The following STK25 variants were observed in gnomAD, a reference collection of about 807,000 sequenced individuals.
The protein encoded by STK25 is serine/threonine-protein kinase 25.
In STK25, 29 loss-of-function variants were observed where a neutral mutation model predicts 53.8. The ratio of observed to expected loss-of-function variants is 0.54; its 90% CI spans 0.40 to 0.74. The LOEUF is 0.74. STK25 is among the 30% of genes least tolerant of loss of function. STK25 has a pLI of 0.00. For missense variants in STK25, 420 were observed against 568.0 expected (o/e 0.74, Z 2.65); for synonymous variants, 247 against 238.3 (o/e 1.04, Z -0.33).
rs35393467 is a variant in STK25 at position 241,495,627 on chromosome 2, C to G, written c.*35G>C. 1 of 1,612,866 alleles carries G rather than the reference C, an allele frequency of 6.2e-7. No individual in the cohort carries two copies. The highest frequency in any genetic ancestry group is 1.3e-5 in the African/African-American group (1 of 74,936). The stretch of plus-strand genomic sequence containing the variant: ...TTATGGAGCTCAGAACAAAAACAAA[C>G]GACCTTCCGTCCCCTATCTGAACAG... On this transcript the variant is annotated 3_prime_UTR_variant, in exon 12 of 12. Coordinates refer to ENST00000316586, the MANE Select transcript of STK25 (RefSeq NM_001271977.2).
At chr2:241,506,639 T>C (rs1046594847) in intron 2 of STK25, among the ~76,000 whole-genome samples, 2 of 152,166 alleles carry the variant, frequency 1.3e-5, no homozygotes, top group Non-Finnish European at 2.9e-5. Flanking sequence ...TGGTGGCGCA[T>C]GCCTGTAATC....
intron 2 of STK25, among the ~76,000 whole-genome samples, chr2:241,502,333 C>T (rs887833851): frequency 2.6e-5 from 4 of 152,150 alleles, no homozygotes; most frequent in Admixed American, 1.3e-4. Flanking sequence ...TCATCTAACC[C>T]GAACAACATG....
intron 2 of STK25, chr2:241,504,146 C>T: frequency 2.1e-6 from 1 of 470,610 alleles, no homozygotes; most frequent in Non-Finnish European, 4.4e-6. Context: ...CCTAACCTTT[C>T]CCTGCAAGGC....
rs1460265006 is a variant in STK25 at position 241,493,593 on chromosome 2, CTTTG to C, written c.*2065_*2068del. 3 of 629,798 alleles carry C rather than the reference CTTTG, an allele frequency of 4.8e-6. No homozygotes were observed. Among genetic ancestry groups the C allele is most frequent in the Non-Finnish European group, 7.9e-6 (3 of 378,098 alleles). 39.0% of individuals were successfully genotyped at this position (629,798 alleles called of 1,614,324 possible). ...CCAGCATTTCCAAAAAACAGCAATG[CTTTG>C]TTTTTTTTTTTTTTGGAGATGGCGT... On this transcript the variant is annotated 3_prime_UTR_variant, in exon 12 of 12. Transcript: ENST00000316586.
In STK25 at chr2:241,496,934, C is replaced by T. The variant is rs1014953017; in HGVS notation, c.1105-400G>A. On this transcript the variant is annotated intron_variant, in intron 10 of 11. Coordinates refer to ENST00000316586, the MANE Select transcript of STK25 (RefSeq NM_001271977.2). The surrounding 1 kb of genome is among the most constrained non-coding windows in gnomAD (Gnocchi z 5.8). Reference sequence around the variant, plus strand: ...CCCAGATCTGACCTCCATCAGGACACCAGCATCTGAGCCTCCTGTCACCGG... The same window carrying T: ...CCCAGATCTGACCTCCATCAGGACATCAGCATCTGAGCCTCCTGTCACCGG... 6.6e-6 allele frequency among the ~76,000 whole-genome samples: 1 copy of T among 152,236 alleles called. No homozygotes were observed. Among genetic ancestry groups the T allele is most frequent in the Non-Finnish European group, 1.5e-5 (1 of 68,042 alleles).
chr2:241,495,667 G>A lies in STK25; in HGVS notation c.1276C>T (p.Arg426Cys), dbSNP rs558360310. 48 of 1,614,114 alleles carry A rather than the reference G, an allele frequency of 3.0e-5. No homozygotes were observed. Among genetic ancestry groups the A allele is most frequent in the Admixed American group, 2.8e-4 (17 of 60,006 alleles). ...SHNRNHLTSTR is the reference protein window; with the variant it reads ...SHNRNHLTSTC ...TATCTGAACAGCAGTGCGCTTCAGC[G>A]GGTGGATGTCAGGTGGTTTCTGTTG... is the stretch of plus-strand genomic sequence containing the variant. The change falls in exon 12 of 12, where the codon CGC becomes TGC. Residue 426 changes from arginine to cysteine, a missense_variant. Physicochemically the swap from Arg to Cys is radical, Grantham distance 180 (BLOSUM62 -3). Transcript: ENST00000316586.
chr2:241,504,141 C>T (rs1436757802), intron 2 of STK25: 4 of 470,646 alleles, frequency 8.5e-6, no homozygotes, highest in South Asian at 6.2e-5. Context: ...GGCCACCTAA[C>T]CTTTCCCTGC....
intron 1 of STK25, 112 bp from the exon 2 acceptor site, chr2:241,508,247 G>A (rs1166446190): frequency 1.8e-5 from 23 of 1,307,010 alleles, no homozygotes; most frequent in Non-Finnish European, 2.2e-5. Flanking sequence ...CAGGCCGCCG[G>A]GGCCCCGCCA....
At chr2:241,500,363 G>C in intron 4 of STK25, 82 bp from the exon 5 acceptor site, 3 of 972,292 alleles carry the variant, frequency 3.1e-6, no homozygotes, top group Admixed American at 1.9e-5. Flanking sequence ...TCACAGGGAA[G>C]GGCTGTCCCT....
chr2:241,508,546 C>G lies in STK25; in HGVS notation c.-204G>C. ...CCCGGGGACCCCGGGCCTCCCAGCC[C>G]GCGAAGCAACGGTGGTGGCGGCAGC... On this transcript the variant is annotated 5_prime_UTR_variant, in exon 1 of 12. Transcript: ENST00000316586. 1.0e-6 allele frequency: 1 copy of G among 997,108 alleles called. No individual in the cohort carries two copies. Among genetic ancestry groups the G allele is most frequent in the South Asian group, 4.1e-5 (1 of 24,644 alleles). The allele number at this position is 997,108 out of a possible 1,614,324, so 61.8% of individuals were successfully genotyped here. A position where few individuals can be genotyped will look rare whatever the true frequency, so the allele number is the denominator to read the frequency against.
Position 241,493,113 on chromosome 2 carries a change from T to C in STK25, c.*2549A>G, listed in dbSNP as rs1019733122. ...TTAACCCTGCTCACCTGTGTCCCTT[T>C]TGTATTTTGGTTCTGCCCTCCCATG... On this transcript the variant is annotated 3_prime_UTR_variant, in exon 12 of 12. Transcript: ENST00000316586. 3.5e-6 allele frequency: 4 copies of C among 1,139,562 alleles called. No individual in the cohort carries two copies. The highest frequency in any genetic ancestry group is 3.5e-5 in the Admixed American group (2 of 57,734). 70.6% of individuals were successfully genotyped at this position (1,139,562 alleles called of 1,614,324 possible).
chr2:241,500,245 T>C lies in STK25; in HGVS notation c.355A>G (p.Thr119Ala). Residue 119 changes from threonine to alanine, a missense_variant, in exon 5 of 12, where the codon ACG becomes GCG. By Grantham distance (58) the Thr-to-Ala change is moderately conservative. Transcript: ENST00000316586. ...PGPLEETYIA[T>A]ILREILKGLD... ...CCCTTCAGAATCTCCCGCAGGATCG[T>C]GGCAATGTATGTCTCCTCCAGGGGA... 1 of 1,614,010 alleles carries C rather than the reference T, an allele frequency of 6.2e-7. No homozygotes were observed. The highest frequency in any genetic ancestry group is 1.1e-5 in the South Asian group (1 of 91,072).
chr2:241,509,128 C>G (rs1466047438), upstream of STK25: 2 of 152,388 alleles, frequency 1.3e-5, no homozygotes, highest in South Asian at 4.1e-4. Context: ...CGGGATCACG[C>G]GCACAGGCCA....
In STK25 at chr2:241,495,204, T is replaced by C. The variant is rs1416676350; in HGVS notation, c.*458A>G. The C allele has an allele frequency of 1.2e-5, 2 of 163,568 alleles. No homozygotes were observed. The highest frequency in any genetic ancestry group is 6.2e-5 in the Admixed American group (1 of 16,012). 10.1% of individuals were successfully genotyped at this position (163,568 alleles called of 1,614,324 possible). A position where few individuals can be genotyped will look rare whatever the true frequency, so the allele number is the denominator to read the frequency against. ...GATCCAACACCACAAGGCAAATCTA[T>C]GGCCATCATGGGCCCCGGGAGGACA... On this transcript the variant is annotated 3_prime_UTR_variant, in exon 12 of 12. Transcript: ENST00000316586.
rs2065369555 is a variant in STK25, at chr2:241,499,388, C to T, written c.454G>A (p.Gly152Ser). The change falls in exon 6 of 12, where the codon GGT becomes AGT. Residue 152 changes from glycine to serine, a missense_variant. Gly to Ser is a moderately conservative substitution (Grantham distance 56). Coordinates refer to ENST00000316586, the MANE Select transcript of STK25 (RefSeq NM_001271977.2). ...CCAAAGTCCGCCAGCTTCACGTCAC[C>T]CTGCTCCGAGAGTAGCACGTTGGCA... ...KAANVLLSEQGDVKLADFGVA... is the reference protein window; with the variant it reads ...KAANVLLSEQSDVKLADFGVA... The T allele has an allele frequency of 1.2e-6, 2 of 1,613,880 alleles. No individual in the cohort carries two copies. The highest frequency in any genetic ancestry group is 1.1e-5 in the South Asian group (1 of 91,058).
intron 2 of STK25, among the ~76,000 whole-genome samples, chr2:241,506,463 G>T (rs1033702422): frequency 1.3e-5 from 2 of 152,206 alleles, no homozygotes; most frequent in Non-Finnish European, 2.9e-5. Flanking sequence ...AGTTATTTCT[G>T]CAGTTCTTAA....
At chr2:241,499,697 C>T in intron 5 of STK25, 1 of 533,724 alleles carries the variant, frequency 1.9e-6, no homozygotes, top group Non-Finnish European at 3.4e-6. Flanking sequence ...CTGGGGGCTA[C>T]CGCAGAGGTG....
rs2065046206 is a variant in STK25 at position 241,494,352 on chromosome 2, G to A, written c.*1310C>T. ...ATCTGGGGCCCTGGGAAAAATGTGCGAGTCTTGAGCGCGGAGCCGCTCAAG... is the reference window on the plus strand; with the variant it reads ...ATCTGGGGCCCTGGGAAAAATGTGCAAGTCTTGAGCGCGGAGCCGCTCAAG... On this transcript the variant is annotated 3_prime_UTR_variant, in exon 12 of 12. Coordinates refer to ENST00000316586, the MANE Select transcript of STK25 (RefSeq NM_001271977.2). This position sits in a 1 kb window ranked among gnomAD's most constrained non-coding sequence, Gnocchi z 4.9. 6 of 359,636 alleles carry A rather than the reference G, an allele frequency of 1.7e-5. No homozygotes were observed. The highest frequency in any genetic ancestry group is 1.5e-5 in the Non-Finnish European group (3 of 197,124). 22.3% of individuals were successfully genotyped at this position (359,636 alleles called of 1,614,324 possible).
rs2065153928 is a variant in STK25, at chr2:241,496,322, G to A, written c.1241+76C>T. 17 of 1,539,740 alleles carry A rather than the reference G, an allele frequency of 1.1e-5. 1 individual carries two copies. In the South Asian group the frequency reaches 1.3e-4, roughly 12 times the overall value. On this transcript the variant is annotated intron_variant, in intron 11 of 11. Coordinates refer to ENST00000316586, the MANE Select transcript of STK25 (RefSeq NM_001271977.2). The surrounding 1 kb of genome is among the most constrained non-coding windows in gnomAD (Gnocchi z 5.8). ...GCCAAATGCAGCCACACCCACGAGT[G>A]AGCACTGGACCTCACCCCACGTCCA...
Sources: allele counts gnomAD v4.1 joint callset (sites outside exome capture counted in the v4.1 genomes callset), GRCh38; gene constraint gnomAD v4.1.1; non-coding constraint Gnocchi (gnomAD v3.1); transcripts MANE v1.5; gene names NCBI Gene and HGNC (gene_info 2026-07-23, HGNC 2026-07-21).